Variants in CALN1 observed in about 807,000 individuals in gnomAD.
CALN1 encodes calneuron 1.
CALN1 carries 17 observed loss-of-function variants against 30.6 expected under a neutral mutation model. That is an observed-to-expected ratio of 0.56 (90% CI 0.38 to 0.83). The LOEUF (loss-of-function observed/expected upper bound fraction) is 0.83, where lower values mean the gene tolerates loss of function less well. Among genes scored for constraint, CALN1 ranks in the 40% least tolerant of loss-of-function variants. The pLI, the probability that CALN1 is intolerant of heterozygous loss-of-function variation, is 0.00. For synonymous variants in CALN1, 156 were observed against 131.4 expected (o/e 1.19, Z -1.28); for missense variants, 291 against 354.9 (o/e 0.82, Z 1.45).
At chr7:72,090,931 G>A (rs1805817419) in intron 4 of CALN1, among the ~76,000 whole-genome samples, 1 of 152,196 alleles carries the variant, frequency 6.6e-6, no homozygotes, top group African/African-American at 2.4e-5. Flanking sequence ...AGGATGGGTA[G>A]TGGGTGTGGG....
intron 4 of CALN1, among the ~76,000 whole-genome samples, chr7:72,078,974 A>C (rs541910791): frequency 1.3e-5 from 2 of 152,304 alleles, no homozygotes; most frequent in African/African-American, 4.8e-5. Context: ...AGGGAGACAA[A>C]GATGAGAAAG....
At chr7:72,419,606 C>A (rs184368709) in intron 1 of CALN1, among the ~76,000 whole-genome samples, 1 of 152,286 alleles carries the variant, frequency 6.6e-6, no homozygotes, top group Non-Finnish European at 1.5e-5. Flanking sequence ...ACCCCACCCT[C>A]AAGCTTGGAG....
intron 5 of CALN1, among the ~76,000 whole-genome samples, chr7:72,002,252 C>A (rs1332493404): frequency 6.6e-6 from 1 of 152,174 alleles, no homozygotes; most frequent in Admixed American, 6.5e-5. Flanking sequence ...GCATTTAATA[C>A]ACCTAATATA....
At chr7:71,950,126 T>C (rs941614410) in intron 5 of CALN1, among the ~76,000 whole-genome samples, 2 of 152,180 alleles carry the variant, frequency 1.3e-5, no homozygotes, top group African/African-American at 4.8e-5. Flanking sequence ...TTTGTGCATT[T>C]TGTCCAATTC....
chr7:71,899,807 T>C (rs1035723371), intron 5 of CALN1, among the ~76,000 whole-genome samples: 1 of 152,178 alleles, frequency 6.6e-6, no homozygotes, highest in Admixed American at 6.5e-5. Context: ...GCATAGAATA[T>C]GTCCGTACGT....
chr7:72,022,257 C>A (rs1800747894), intron 5 of CALN1, among the ~76,000 whole-genome samples: 1 of 152,210 alleles, frequency 6.6e-6, no homozygotes, highest in Non-Finnish European at 1.5e-5. Flanking sequence ...TGAGGGCTTG[C>A]TGTGTACAGC....
chr7:72,402,138 C>T (rs1211659890), intron 2 of CALN1, among the ~76,000 whole-genome samples: 1 of 151,950 alleles, frequency 6.6e-6, no homozygotes, highest in African/African-American at 2.4e-5. Flanking sequence ...ATTCCAGATG[C>T]TTCCTCAGAG....
At chr7:72,355,927 A>T (rs1267111365) in intron 2 of CALN1, among the ~76,000 whole-genome samples, 1 of 152,222 alleles carries the variant, frequency 6.6e-6, no homozygotes, top group Non-Finnish European at 1.5e-5. Context: ...ATTATATGTA[A>T]ATTATCCTCA....
chr7:72,409,070 A>C (rs984140552), intron 1 of CALN1, among the ~76,000 whole-genome samples: 11 of 151,624 alleles, frequency 7.3e-5, no homozygotes, highest in Non-Finnish European at 1.5e-4. Context: ...ATCTCAGCTT[A>C]CTGCAACTTC....
intron 1 of CALN1, among the ~76,000 whole-genome samples, chr7:72,410,276 G>A (rs916999734): frequency 2.6e-5 from 4 of 152,154 alleles, no homozygotes; most frequent in Middle Eastern, 3.2e-3. Context: ...CACTGCACTT[G>A]TGTTACTGAC....
intron 4 of CALN1, among the ~76,000 whole-genome samples, chr7:72,063,620 G>A (rs1381667116): frequency 6.6e-6 from 1 of 152,138 alleles, no homozygotes; most frequent in Non-Finnish European, 1.5e-5. Flanking sequence ...ACTGGCAGCT[G>A]AAAAAAGCAA....
At chr7:72,432,346 T>C (rs753701185) in intron 1 of CALN1, among the ~76,000 whole-genome samples, 3 of 152,318 alleles carry the variant, frequency 2.0e-5, no homozygotes, top group Non-Finnish European at 4.4e-5. Flanking sequence ...TTTTTCTTTA[T>C]AAATTACCCA....
intron 4 of CALN1, among the ~76,000 whole-genome samples, chr7:72,052,134 G>A (rs946475847): frequency 2.6e-5 from 4 of 152,122 alleles, no homozygotes; most frequent in African/African-American, 9.7e-5. Flanking sequence ...AAAAAGAAAT[G>A]ACTCCATCGT....
In CALN1 at chr7:71,933,717, A is replaced by C. The variant is rs76784268; in HGVS notation, c.501+89940T>G. On this transcript the variant is annotated intron_variant, in intron 5 of 6. Transcript: ENST00000395275. ...TTCTAGGTTTTTATGTTCTAGAATTAATTCTCTATATAAATCTTAGCTTAT... is the reference window on the plus strand; with the variant it reads ...TTCTAGGTTTTTATGTTCTAGAATTCATTCTCTATATAAATCTTAGCTTAT... 8.4e-3 allele frequency among the ~76,000 whole-genome samples: 1,284 copies of C among 152,336 alleles called. 26 individuals carry two copies. Among genetic ancestry groups the C allele is most frequent in the African/African-American group, 0.03 (1,234 of 41,564 alleles).
chr7:71,900,159 A>C (rs1164372483), intron 5 of CALN1, among the ~76,000 whole-genome samples: 2 of 152,226 alleles, frequency 1.3e-5, no homozygotes, highest in Admixed American at 1.3e-4. Context: ...AACATCCTGA[A>C]TATTACGGCT....
At chr7:71,923,329 A>G (rs1007760122) in intron 5 of CALN1, among the ~76,000 whole-genome samples, 1 of 152,154 alleles carries the variant, frequency 6.6e-6, no homozygotes, top group Non-Finnish European at 1.5e-5. Flanking sequence ...CAGGCCCTAT[A>G]AAAACACAGA....
intron 5 of CALN1, among the ~76,000 whole-genome samples, chr7:72,000,483 A>G (rs1042937314): frequency 1.6e-4 from 25 of 152,166 alleles, no homozygotes; most frequent in African/African-American, 4.6e-4. Context: ...TGAAATAGAT[A>G]ATCTGAATGA....
intron 3 of CALN1, among the ~76,000 whole-genome samples, chr7:72,141,865 G>C (rs1809966672): frequency 6.6e-6 from 1 of 152,054 alleles, no homozygotes; most frequent in Non-Finnish European, 1.5e-5. Flanking sequence ...CACTGTGCCG[G>C]GCCAACATCA....
intron 4 of CALN1, among the ~76,000 whole-genome samples, chr7:72,094,497 GC>G (rs1416229527): frequency 6.6e-6 from 1 of 152,104 alleles, no homozygotes; most frequent in East Asian, 1.9e-4. Context: ...CAGGTGATCT[GC>G]CTGCCTCAGC....
Sources: allele counts gnomAD v4.1 joint callset (sites outside exome capture counted in the v4.1 genomes callset), GRCh38; gene constraint gnomAD v4.1.1; transcripts MANE v1.5; gene names NCBI Gene and HGNC (gene_info 2026-07-23, HGNC 2026-07-21).